Variants in ARSB observed in about 807,000 individuals in gnomAD.
ARSB encodes arylsulfatase B.
ARSB carries 41 observed loss-of-function variants against 50.9 expected under a neutral mutation model. That is an observed-to-expected ratio of 0.81 (90% confidence interval 0.63 to 1.04). ARSB has a LOEUF of 1.04. ARSB is among the 50% of genes least tolerant of loss of function. The pLI, the probability that ARSB is intolerant of heterozygous loss-of-function variation, is 0.00. For synonymous variants in ARSB, 269 were observed against 284.8 expected, an observed-to-expected ratio of 0.94 and a Z score of 0.56; for missense variants, 672 against 693.3, an observed-to-expected ratio of 0.97 and a Z score of 0.35.
intron 4 of ARSB, 74 bp from the exon 5 acceptor site, chr5:78,885,901 A>G: frequency 6.2e-7 from 1 of 1,605,720 alleles, no homozygotes; most frequent in South Asian, 1.1e-5. Flanking sequence ...GACTGTATGT[A>G]CATTGTTACT....
At chr5:78,907,832 A>G (rs974431600) in intron 4 of ARSB, among the ~76,000 whole-genome samples, 1 of 152,152 alleles carries the variant, frequency 6.6e-6, no homozygotes, top group Non-Finnish European at 1.5e-5. Context: ...TTGGATTTCT[A>G]GCTTTAAATT....
intron 4 of ARSB, among the ~76,000 whole-genome samples, chr5:78,950,708 C>A (rs1212876368): frequency 6.6e-6 from 1 of 152,146 alleles, no homozygotes; most frequent in Non-Finnish European, 1.5e-5. Flanking sequence ...CCACCAGGAA[C>A]TCTGTGAGGT....
chr5:78,830,458 C>T (rs10058204), intron 6 of ARSB, among the ~76,000 whole-genome samples: 70,156 of 151,966 alleles, frequency 0.46, 16,405 homozygotes, highest in Middle Eastern at 0.53. Context: ...ATTGGGGCAG[C>T]GGGATTTGCC....
intron 4 of ARSB, among the ~76,000 whole-genome samples, chr5:78,944,335 T>C (rs1751102913): frequency 6.6e-6 from 1 of 152,200 alleles, no homozygotes; most frequent in Non-Finnish European, 1.5e-5. Flanking sequence ...CTGCATTCCT[T>C]TGGAGGAGGA....
At chr5:78,957,937 A>G (rs1186024762) in intron 3 of ARSB, among the ~76,000 whole-genome samples, 1 of 113,012 alleles carries the variant, frequency 8.8e-6, no homozygotes, top group African/African-American at 2.9e-5. Flanking sequence ...TCGGAAGTCT[A>G]CAACAATTTG....
chr5:78,875,415 A>T (rs1024975745), intron 5 of ARSB, among the ~76,000 whole-genome samples: 1 of 151,992 alleles, frequency 6.6e-6, no homozygotes, highest in Non-Finnish European at 1.5e-5. Flanking sequence ...TTACATTCAA[A>T]CAAAAATAAT....
At chr5:78,913,446 A>G (rs559108114) in intron 4 of ARSB, among the ~76,000 whole-genome samples, 1 of 152,294 alleles carries the variant, frequency 6.6e-6, no homozygotes, top group African/African-American at 2.4e-5. Flanking sequence ...TGAGTTTCAT[A>G]AAGTAGGCCA....
At chr5:78,811,972 C>A (rs967891249) in intron 6 of ARSB, among the ~76,000 whole-genome samples, 1 of 151,786 alleles carries the variant, frequency 6.6e-6, no homozygotes, top group Non-Finnish European at 1.5e-5. Context: ...TAATCCTGTA[C>A]CAGTGATTAA....
intron 5 of ARSB, among the ~76,000 whole-genome samples, chr5:78,860,200 T>C (rs1013656073): frequency 3.3e-5 from 5 of 152,196 alleles, no homozygotes; most frequent in African/African-American, 9.6e-5. Flanking sequence ...GTCTCGTTGA[T>C]CTGTCTAATG....
intron 1 of ARSB, among the ~76,000 whole-genome samples, chr5:78,982,333 T>A (rs982504108): frequency 6.6e-6 from 1 of 152,258 alleles, no homozygotes; most frequent in Admixed American, 6.5e-5. Flanking sequence ...AAATAAAATC[T>A]ATTTTTATTT....
At chr5:78,783,834 C>T (rs1748993103) in intron 6 of ARSB, among the ~76,000 whole-genome samples, 2 of 152,022 alleles carry the variant, frequency 1.3e-5, no homozygotes, top group African/African-American at 4.8e-5. Context: ...AATACCTAAA[C>T]AATAAATAAG....
At chr5:78,781,216 G>C (rs901742515) in intron 7 of ARSB, among the ~76,000 whole-genome samples, 5 of 151,416 alleles carry the variant, frequency 3.3e-5, no homozygotes, top group Non-Finnish European at 7.4e-5. Flanking sequence ...TGCTGTGCTT[G>C]ATAGCCACAT....
At chr5:78,882,460 A>G (rs953948229) in intron 5 of ARSB, among the ~76,000 whole-genome samples, 6 of 152,218 alleles carry the variant, frequency 3.9e-5, no homozygotes, top group Non-Finnish European at 7.3e-5. Flanking sequence ...TTAATTTCAA[A>G]TCATTTATAT....
chr5:78,885,363 A>G (rs1405063059), intron 5 of ARSB: 5 of 669,172 alleles, frequency 7.5e-6, no homozygotes, highest in Non-Finnish European at 1.2e-5. Context: ...TGGGCTGAGG[A>G]CAATCTTGTT....
At position 78,985,274 on chromosome 5, in the gene ARSB, C is replaced by G. The variant is rs1753134925; in HGVS notation, c.-26G>C. The stretch of plus-strand genomic sequence containing the variant: ...CCTTGTCCGCCCGCGGTCCCAGCGC[C>G]TGTGGCGCCACCAGCCCCTTGTACC... On this transcript the variant is annotated 5_prime_UTR_variant, in exon 1 of 8. Coordinates refer to ENST00000264914, the MANE Select transcript of ARSB (RefSeq NM_000046.5). 1.5e-6 allele frequency: 2 copies of G among 1,292,194 alleles called. No homozygotes were observed. Among genetic ancestry groups the G allele is most frequent in the Non-Finnish European group, 2.0e-6 (2 of 1,024,636 alleles). 80.0% of individuals were successfully genotyped at this position (1,292,194 alleles called of 1,614,324 possible).
intron 6 of ARSB, among the ~76,000 whole-genome samples, chr5:78,787,907 G>A (rs549379882): frequency 9.2e-5 from 14 of 152,258 alleles, no homozygotes; most frequent in African/African-American, 2.6e-4. Flanking sequence ...AAGTGGATTC[G>A]CTGCCTAGGG....
intron 6 of ARSB, among the ~76,000 whole-genome samples, chr5:78,792,984 T>C (rs1386975500): frequency 6.6e-6 from 1 of 152,130 alleles, no homozygotes; most frequent in Non-Finnish European, 1.5e-5. Context: ...CTGGCCAGAA[T>C]TGTAAAAACA....
At chr5:78,921,109 T>C (rs1749792493) in intron 4 of ARSB, among the ~76,000 whole-genome samples, 1 of 152,170 alleles carries the variant, frequency 6.6e-6, no homozygotes, top group African/African-American at 2.4e-5. Context: ...TGTCCTTTTC[T>C]CCTTCCATGA....
intron 4 of ARSB, among the ~76,000 whole-genome samples, chr5:78,886,799 C>T (rs909306162): frequency 4.6e-5 from 7 of 151,932 alleles, no homozygotes; most frequent in African/African-American, 1.2e-4. Context: ...CCCAAATGAG[C>T]CACATGAGGG....
Sources: allele counts gnomAD v4.1 joint callset (sites outside exome capture counted in the v4.1 genomes callset), GRCh38; gene constraint gnomAD v4.1.1; transcripts MANE v1.5; gene names NCBI Gene and HGNC (gene_info 2026-07-23, HGNC 2026-07-21).